The following KIF16B variants were observed in gnomAD, a reference collection of about 807,000 sequenced individuals.
KIF16B encodes the protein kinesin family member 16B, also known as kinesin-like protein KIF16B.
A neutral mutation model predicts 156.3 loss-of-function variants in KIF16B; 98 were observed. The observed-to-expected ratio is 0.63, with a 90% CI of 0.53 to 0.74. The LOEUF (loss-of-function observed/expected upper bound fraction) is 0.74. Ranked by LOEUF, KIF16B falls within the 30% of genes least tolerant of loss-of-function variation. The pLI, the probability that KIF16B is intolerant of heterozygous loss-of-function variation, is 0.00. For missense variants in KIF16B, 1,421 were observed against 1,606.5 expected, an observed-to-expected ratio of 0.88 and a Z score of 1.97; for synonymous variants, 564 against 583.7, an observed-to-expected ratio of 0.97 and a Z score of 0.49.
At chr20:16,464,651 C>G (rs142800382) in intron 12 of KIF16B, among the ~76,000 whole-genome samples, 1,687 of 152,220 alleles carry the variant, frequency 0.011, 25 homozygotes, top group African/African-American at 0.039. Flanking sequence ...TGTGAAGGCC[C>G]CTGCCCTCTA....
chr20:16,339,079 CA>C (rs1274872930), intron 23 of KIF16B, among the ~76,000 whole-genome samples: 2 of 152,128 alleles, frequency 1.3e-5, no homozygotes, highest in Admixed American at 6.5e-5. Context: ...TTTAAATGCT[CA>C]TGGAGTAATA....
chr20:16,480,296 A>C (rs1463148469), intron 12 of KIF16B, among the ~76,000 whole-genome samples: 1 of 152,160 alleles, frequency 6.6e-6, no homozygotes, highest in Non-Finnish European at 1.5e-5. Context: ...CGCACCCAAG[A>C]CATGGGCCCT....
At chr20:16,478,873 G>A (rs978737494) in intron 12 of KIF16B, among the ~76,000 whole-genome samples, 2 of 152,142 alleles carry the variant, frequency 1.3e-5, no homozygotes, top group African/African-American at 2.4e-5. Context: ...GCATTCACTA[G>A]GGGTCTTGAA....
chr20:16,440,835 C>T (rs1054672240), intron 12 of KIF16B, among the ~76,000 whole-genome samples: 2 of 152,188 alleles, frequency 1.3e-5, no homozygotes, highest in African/African-American at 2.4e-5. Context: ...TGCCAAACAG[C>T]TAAGTGTTGG....
At chr20:16,369,250 G>A in intron 22 of KIF16B, 1 of 985,810 alleles carries the variant, frequency 1.0e-6, no homozygotes, top group Admixed American at 6.1e-5. Context: ...ATACCATGCT[G>A]GGCAAAACTG....
intron 12 of KIF16B, among the ~76,000 whole-genome samples, chr20:16,451,008 G>A (rs746243523): frequency 4.6e-5 from 7 of 152,186 alleles, no homozygotes; most frequent in African/African-American, 1.2e-4. Flanking sequence ...ATACCTGCGC[G>A]TTTACAGACA....
At chr20:16,480,702 G>A (rs1269930579) in intron 12 of KIF16B, among the ~76,000 whole-genome samples, 1 of 152,196 alleles carries the variant, frequency 6.6e-6, no homozygotes, top group Non-Finnish European at 1.5e-5. Context: ...ATCTTAATCT[G>A]GGTGTGGGTT....
intron 1 of KIF16B, among the ~76,000 whole-genome samples, chr20:16,534,466 A>G (rs2069878465): frequency 1.3e-5 from 2 of 152,168 alleles, no homozygotes; most frequent in Admixed American, 6.5e-5. Context: ...CCTATTCAAC[A>G]GGTTGTCTCT....
At chr20:16,474,820 A>G (rs1281739406) in intron 12 of KIF16B, among the ~76,000 whole-genome samples, 2 of 152,214 alleles carry the variant, frequency 1.3e-5, no homozygotes, top group Non-Finnish European at 2.9e-5. Context: ...GGAAAAACAG[A>G]GACAACTTCT....
At chr20:16,424,003 C>G (rs1232725609) in intron 15 of KIF16B, among the ~76,000 whole-genome samples, 1 of 152,056 alleles carries the variant, frequency 6.6e-6, no homozygotes, top group Non-Finnish European at 1.5e-5. Flanking sequence ...GGGCTAAAGG[C>G]AGAGACAGCC....
chr20:16,429,898 G>T lies in KIF16B; in HGVS notation c.1387C>A (p.Leu463Ile). Residue 463 changes from leucine (L) to isoleucine (I), a missense_variant, in exon 13 of 26, where the codon CTT (leucine) becomes ATT (isoleucine). Physicochemically the swap from Leu to Ile is conservative, Grantham distance 5 (BLOSUM62 2). Transcript: ENST00000354981. ...TATAAGATGATTCCAGTACTCAAAA[G>T]GTCATCATCGATGCCAATCAAATGA... The part of the protein sequence containing the change: ...LPHLIGIDDD[L>I]LSTGIILYHL... 1 of 1,612,372 alleles carries T rather than the reference G, an allele frequency of 6.2e-7. No individual in the cohort carries two copies. Among genetic ancestry groups the T allele is most frequent in the Non-Finnish European group, 8.5e-7 (1 of 1,179,016 alleles).
At chr20:16,360,092 A>C (rs187337716) in intron 22 of KIF16B, among the ~76,000 whole-genome samples, 3 of 152,274 alleles carry the variant, frequency 2.0e-5, no homozygotes, top group East Asian at 3.9e-4. Context: ...TGCATAAATA[A>C]ATTTAAAAAT....
intron 25 of KIF16B, among the ~76,000 whole-genome samples, chr20:16,295,731 C>A (rs1408779522): frequency 6.6e-6 from 1 of 152,032 alleles, no homozygotes; most frequent in Non-Finnish European, 1.5e-5. Flanking sequence ...CATGGGCCAT[C>A]CATTTATTTA....
intron 23 of KIF16B, among the ~76,000 whole-genome samples, chr20:16,341,994 T>C (rs1230869496): frequency 6.6e-6 from 1 of 152,110 alleles, no homozygotes; most frequent in African/African-American, 2.4e-5. Flanking sequence ...CTGAACGGCC[T>C]CCTCAACCAC....
intron 17 of KIF16B, among the ~76,000 whole-genome samples, chr20:16,387,326 T>C (rs982368985): frequency 2.6e-5 from 4 of 152,158 alleles, no homozygotes; most frequent in Non-Finnish European, 5.9e-5. Context: ...GTTTTCTCGG[T>C]TGCACTGAGC....
intron 15 of KIF16B, among the ~76,000 whole-genome samples, chr20:16,425,665 C>A (rs1265400522): frequency 3.3e-5 from 5 of 151,980 alleles, no homozygotes; most frequent in Non-Finnish European, 7.4e-5. Flanking sequence ...GGCAGCTGCA[C>A]CTTAGTTGGA....
chr20:16,417,813 G>T (rs1350393961), intron 15 of KIF16B, among the ~76,000 whole-genome samples: 3 of 151,742 alleles, frequency 2.0e-5, no homozygotes, highest in Non-Finnish European at 4.4e-5. Context: ...CAACTGAAAT[G>T]ATCCAATCTG....
At chr20:16,549,404 T>C (rs1023359929) in intron 1 of KIF16B, among the ~76,000 whole-genome samples, 1 of 151,898 alleles carries the variant, frequency 6.6e-6, no homozygotes, top group Non-Finnish European at 1.5e-5. Context: ...TATCCCATGG[T>C]GTATATGTGC....
intron 1 of KIF16B, among the ~76,000 whole-genome samples, chr20:16,546,032 TCTTCAAAAAGA>T (rs1287241855): frequency 6.6e-6 from 1 of 152,224 alleles, no homozygotes; most frequent in African/African-American, 2.4e-5. Context: ...CAAGACTTTT[TCTTCAAAAAGA>T]CTTCAAATCA....
Sources: gnomAD v4.1 joint callset for allele counts (sites outside exome capture counted in the v4.1 genomes callset) on GRCh38, gnomAD v4.1.1 for gene constraint, MANE v1.5 for transcripts, NCBI Gene and HGNC (gene_info 2026-07-23, HGNC 2026-07-21) for gene names.